PLA2G4A: variants seen among roughly 807,000 people sequenced by gnomAD.
The protein encoded by PLA2G4A is phospholipase A2 group IVA.
PLA2G4A carries 40 observed loss-of-function variants against 81.9 expected under a neutral mutation model. The ratio of observed to expected loss-of-function variants is 0.49; its 90% CI spans 0.38 to 0.64. PLA2G4A has a LOEUF of 0.64. Ranked by LOEUF, PLA2G4A falls within the 30% of genes least tolerant of loss-of-function variation. The pLI is 0.00. For synonymous variants in PLA2G4A, 302 were observed against 296.9 expected (o/e 1.02, Z -0.18); for missense variants, 715 against 905.1 (o/e 0.79, Z 2.69).
chr1:186,906,496 C>G (rs1268558658), intron 5 of PLA2G4A, among the ~76,000 whole-genome samples: 1 of 152,190 alleles, frequency 6.6e-6, no homozygotes, highest in Non-Finnish European at 1.5e-5. Context: ...GTATTTTCAG[C>G]TTACTACAGC....
intron 1 of PLA2G4A, among the ~76,000 whole-genome samples, chr1:186,829,671 G>A (rs985415905): frequency 1.3e-5 from 2 of 151,776 alleles, no homozygotes; most frequent in African/African-American, 4.8e-5. Flanking sequence ...GAAAAGATTT[G>A]ATCAAATTAC....
Position 186,913,049 on chromosome 1 carries a change from G to A in PLA2G4A, c.558+1660G>A, listed in dbSNP as rs564793428. Among the ~76,000 whole-genome samples the A allele has an allele frequency of 5.5e-4, 80 of 146,172 alleles. 1 individual carries two copies. The South Asian group carries it at 5.9e-3, about 11-fold the overall frequency. ...ATGATAATGGAATTAATAAATGCAG[G>A]CAAATGTGATGGGGAGAAAAAAGAA... On this transcript the variant is annotated intron_variant, in intron 7 of 17. Coordinates refer to ENST00000367466, the MANE Select transcript of PLA2G4A (RefSeq NM_024420.3).
rs773903851 is a variant in PLA2G4A, at chr1:186,965,530, G to C, written c.1701G>C (p.Gly567=). The change falls in exon 15 of 18, where the codon GGG becomes GGC. Residue 567 remains glycine (G), a synonymous_variant. Transcript: ENST00000367466. The part of the protein sequence containing the change: ...PYPLILRPQR[G]VDLIISFDFS... ...CCTTGATACTGAGACCTCAGAGAGG[G>C]GTTGATCTCATAATCTCCTTTGACT... 2.5e-6 allele frequency: 4 copies of C among 1,613,086 alleles called. No homozygotes were observed. The East Asian group carries it at 6.7e-5, about 27-fold the overall frequency.
intron 16 of PLA2G4A, 32 bp downstream of exon 16, chr1:186,977,820 T>C (rs777006736): frequency 2.1e-6 from 3 of 1,425,612 alleles, no homozygotes; most frequent in East Asian, 2.3e-5. Flanking sequence ...TTCCATAAAA[T>C]AGAAATTAAG....
chr1:186,924,853 T>C (rs1655491561), intron 7 of PLA2G4A, among the ~76,000 whole-genome samples: 1 of 152,152 alleles, frequency 6.6e-6, no homozygotes, highest in African/African-American at 2.4e-5. Context: ...GGATCAAGAC[T>C]GGCCCAGCCA....
intron 3 of PLA2G4A, among the ~76,000 whole-genome samples, chr1:186,892,666 G>C (rs1654187211): frequency 6.6e-6 from 1 of 152,140 alleles, no homozygotes; most frequent in Non-Finnish European, 1.5e-5. Flanking sequence ...AGTCCTGGGT[G>C]AAGGTCATGT....
chr1:186,887,539 G>A (rs1488008265), intron 3 of PLA2G4A, among the ~76,000 whole-genome samples: 2 of 152,078 alleles, frequency 1.3e-5, no homozygotes. Flanking sequence ...TGTTTGTCAA[G>A]ATTTAGATAA....
chr1:186,877,080 T>G (rs1571357345), intron 3 of PLA2G4A, among the ~76,000 whole-genome samples: 1 of 151,976 alleles, frequency 6.6e-6, no homozygotes, highest in Non-Finnish European at 1.5e-5. Context: ...CTTTTAAGAG[T>G]CTTCTTTAGC....
chr1:186,955,166 G>T (rs1458903240), intron 13 of PLA2G4A, among the ~76,000 whole-genome samples: 1 of 152,134 alleles, frequency 6.6e-6, no homozygotes, highest in Non-Finnish European at 1.5e-5. Context: ...ATTTAAAACT[G>T]CTTCTTTGGG....
In PLA2G4A at chr1:186,977,640, T is replaced by A. The variant is rs1318033956; in HGVS notation, c.1812T>A (p.Phe604Leu). The change falls in exon 16 of 18, where the codon TTT becomes TTA. Residue 604 changes from phenylalanine to leucine, a missense_variant. Transcript: ENST00000367466. ...EKWAKMNKLPFPKIDPYVFDR... is the reference protein window; with the variant it reads ...EKWAKMNKLPLPKIDPYVFDR... ...GGGCTAAAATGAACAAGCTCCCCTT[T>A]CCAAAGATTGATCCTTATGTGTTTG... 1 of 1,613,758 alleles carries A rather than the reference T, an allele frequency of 6.2e-7. No individual in the cohort carries two copies. Among genetic ancestry groups the A allele is most frequent in the South Asian group, 1.1e-5 (1 of 91,084 alleles).
intron 14 of PLA2G4A, among the ~76,000 whole-genome samples, chr1:186,963,665 T>G (rs1657034556): frequency 6.6e-6 from 1 of 152,258 alleles, no homozygotes; most frequent in East Asian, 1.9e-4. Flanking sequence ...AAATTTATTC[T>G]TCTTTATTTA....
intron 5 of PLA2G4A, among the ~76,000 whole-genome samples, chr1:186,905,255 G>A (rs566678421): frequency 1.3e-5 from 2 of 152,240 alleles, no homozygotes; most frequent in South Asian, 4.1e-4. Context: ...CAATGAAAGA[G>A]GCCTTGAATC....
chr1:186,883,112 G>C (rs1415265631), intron 3 of PLA2G4A, among the ~76,000 whole-genome samples: 1 of 151,898 alleles, frequency 6.6e-6, no homozygotes, highest in Non-Finnish European at 1.5e-5. Flanking sequence ...TATTTTTGAG[G>C]CATTTGAGAG....
intron 1 of PLA2G4A, among the ~76,000 whole-genome samples, chr1:186,852,306 A>G (rs1394345443): frequency 6.6e-6 from 1 of 152,028 alleles, no homozygotes; most frequent in African/African-American, 2.4e-5. Context: ...TAAATAATAC[A>G]GTCAGGGAAG....
intron 13 of PLA2G4A, among the ~76,000 whole-genome samples, chr1:186,954,593 AT>A (rs1412431591): frequency 6.6e-6 from 1 of 152,102 alleles, no homozygotes; most frequent in African/African-American, 2.4e-5. Flanking sequence ...TGTAATAAAA[AT>A]ATATATTTAT....
Position 186,893,165 on chromosome 1 carries a change from T to C in PLA2G4A, c.264+6T>C, listed in dbSNP as rs771053252. On this transcript the variant is annotated splice_donor_region_variant and intron_variant, in intron 4 of 17. Coordinates refer to ENST00000367466, the MANE Select transcript of PLA2G4A (RefSeq NM_024420.3). ...ATCAGGAAAATGTTTTGGAGGTAAGTGAACCATTTGGATGCTGTTAGATGG... is the reference window on the plus strand; with the variant it reads ...ATCAGGAAAATGTTTTGGAGGTAAGCGAACCATTTGGATGCTGTTAGATGG... The C allele has an allele frequency of 1.9e-6, 3 of 1,609,510 alleles. No homozygotes were observed. The highest frequency in any genetic ancestry group is 2.6e-6 in the Non-Finnish European group (3 of 1,175,884).
At chr1:186,934,943 C>T (rs1213596966) in intron 8 of PLA2G4A, among the ~76,000 whole-genome samples, 3 of 151,810 alleles carry the variant, frequency 2.0e-5, no homozygotes, top group South Asian at 2.1e-4. Context: ...ATATGTCCTC[C>T]GTAGGTAATT....
At chr1:186,937,282 C>T (rs1189766511) in intron 8 of PLA2G4A, among the ~76,000 whole-genome samples, 2 of 141,182 alleles carry the variant, frequency 1.4e-5, no homozygotes, top group African/African-American at 2.5e-5. Context: ...AGAGAGAACA[C>T]CAGATTACTT....
At chr1:186,944,255 A>G (rs561579477) in intron 10 of PLA2G4A, among the ~76,000 whole-genome samples, 1 of 152,270 alleles carries the variant, frequency 6.6e-6, no homozygotes, top group African/African-American at 2.4e-5. Flanking sequence ...GTTGGAGTCA[A>G]AAGGTAGAGT....
Sources: gnomAD v4.1 joint callset for allele counts (sites outside exome capture counted in the v4.1 genomes callset) on GRCh38, gnomAD v4.1.1 for gene constraint, MANE v1.5 for transcripts, NCBI Gene and HGNC (gene_info 2026-07-23, HGNC 2026-07-21) for gene names.